Variants in KCNIP1 observed in about 807,000 individuals in gnomAD.
KCNIP1 encodes the protein A-type potassium channel modulatory protein KCNIP1.
Under a neutral mutation model 33.0 loss-of-function variants are expected in KCNIP1, and 18 were observed. That is an observed-to-expected ratio of 0.55 (90% CI 0.38 to 0.81). The LOEUF is 0.81. Among genes scored for constraint, KCNIP1 ranks in the 30% least tolerant of loss-of-function variants. The pLI is 0.00. For missense variants in KCNIP1, 238 were observed against 271.6 expected, an observed-to-expected ratio of 0.88 and a Z score of 0.87; for synonymous variants, 93 against 98.3, an observed-to-expected ratio of 0.95 and a Z score of 0.32.
chr5:170,591,282 G>A (rs2113552155), intron 1 of KCNIP1, among the ~76,000 whole-genome samples: 1 of 152,292 alleles, frequency 6.6e-6, no homozygotes, highest in South Asian at 2.1e-4. Flanking sequence ...CTTCCTCCCA[G>A]TAGAGTTTGA....
chr5:170,679,842 G>A (rs1762270537), intron 1 of KCNIP1, among the ~76,000 whole-genome samples: 1 of 151,406 alleles, frequency 6.6e-6, no homozygotes, highest in Non-Finnish European at 1.5e-5. Flanking sequence ...TATAATTTAT[G>A]GAACCAGTTT....
chr5:170,570,525 T>G (rs1757368238), intron 1 of KCNIP1, among the ~76,000 whole-genome samples: 1 of 152,196 alleles, frequency 6.6e-6, no homozygotes, highest in Admixed American at 6.5e-5. Flanking sequence ...ATCTCCTGCC[T>G]TGCTCTCACC....
At chr5:170,646,576 T>C (rs562537224) in intron 1 of KCNIP1, among the ~76,000 whole-genome samples, 2 of 152,252 alleles carry the variant, frequency 1.3e-5, no homozygotes, top group East Asian at 3.9e-4. Flanking sequence ...AAACAAGGAA[T>C]AGAGGGGAAT....
At chr5:170,384,989 T>G (rs1764406367) in intron 1 of KCNIP1, among the ~76,000 whole-genome samples, 1 of 152,260 alleles carries the variant, frequency 6.6e-6, no homozygotes, top group Admixed American at 6.5e-5. Flanking sequence ...TGCAATTCTC[T>G]GATTCCTCCT....
intron 1 of KCNIP1, among the ~76,000 whole-genome samples, chr5:170,641,728 T>G (rs1015559514): frequency 6.6e-6 from 1 of 152,198 alleles, no homozygotes; most frequent in African/African-American, 2.4e-5. Context: ...TAGCTTGCAC[T>G]GGGCTGCCTG....
At chr5:170,566,585 A>G (rs1757212646) in intron 1 of KCNIP1, among the ~76,000 whole-genome samples, 1 of 152,240 alleles carries the variant, frequency 6.6e-6, no homozygotes, top group African/African-American at 2.4e-5. Context: ...GTCCCTCAGG[A>G]AACAGGTCTG....
At chr5:170,419,633 C>T (rs960069809) in intron 1 of KCNIP1, among the ~76,000 whole-genome samples, 43 of 152,308 alleles carry the variant, frequency 2.8e-4, no homozygotes, top group Admixed American at 1.5e-3. Flanking sequence ...TGTGCACTTA[C>T]GATGTACCAA....
chr5:170,735,984 C>A lies in KCNIP1; in HGVS notation c.*178C>A. On this transcript the variant is annotated 3_prime_UTR_variant, in exon 8 of 8. Transcript: ENST00000328939. ...GGAACCCAGCATCATGTGGCTCAGT[C>A]TCTGATTGCCAACTCTTCCTCTTTC... 1.7e-6 allele frequency: 1 copy of A among 578,474 alleles called. No individual in the cohort carries two copies. The highest frequency in any genetic ancestry group is 2.8e-5 in the East Asian group (1 of 35,892). The allele number at this position is 578,474 out of a possible 1,614,324, so 35.8% of individuals were successfully genotyped here.
intron 1 of KCNIP1, chr5:170,378,832 G>T: frequency 6.2e-7 from 1 of 1,614,240 alleles, no homozygotes; most frequent in Non-Finnish European, 8.5e-7. Context: ...CCGTAGAGGC[G>T]CTGGAATAGG....
At chr5:170,662,605 T>C (rs1284900690) in intron 1 of KCNIP1, among the ~76,000 whole-genome samples, 1 of 152,146 alleles carries the variant, frequency 6.6e-6, no homozygotes, top group Non-Finnish European at 1.5e-5. Flanking sequence ...CTCCCCAGGC[T>C]ACATCCAGGA....
chr5:170,406,363 C>T (rs768616898), intron 1 of KCNIP1, among the ~76,000 whole-genome samples: 5 of 152,228 alleles, frequency 3.3e-5, no homozygotes, highest in African/African-American at 4.8e-5. Context: ...TGGAGTTCAA[C>T]ACACTCAGCC....
intron 1 of KCNIP1, among the ~76,000 whole-genome samples, chr5:170,533,171 CA>C (rs948931389): frequency 2.0e-5 from 3 of 150,140 alleles, no homozygotes; most frequent in Admixed American, 1.3e-4. Context: ...CAGTCTGACT[CA>C]GGGAAAGGGT....
intron 1 of KCNIP1, among the ~76,000 whole-genome samples, chr5:170,599,713 A>G (rs1758619470): frequency 6.6e-6 from 1 of 151,848 alleles, no homozygotes; most frequent in African/African-American, 2.4e-5. Flanking sequence ...CTGGCAGAAG[A>G]GGAAGAAACC....
At position 170,366,389 on chromosome 5, in the gene KCNIP1, G is replaced by A. The variant is rs556794250; in HGVS notation, c.88+12425G>A. Among the ~76,000 whole-genome samples the A allele has an allele frequency of 2.4e-4, 37 of 152,348 alleles. 1 individual carries two copies. The South Asian group carries it at 7.0e-3, about 29-fold the overall frequency. On this transcript the variant is annotated intron_variant, in intron 1 of 7. Transcript: ENST00000377360. ...CAGAGCCCCCTGAGGACACCACCCT[G>A]GAAGGGAGAAGCTGGCTGGAACCAC... is the stretch of plus-strand genomic sequence containing the variant.
chr5:170,555,508 G>A (rs1756813678), intron 1 of KCNIP1, among the ~76,000 whole-genome samples: 2 of 152,182 alleles, frequency 1.3e-5, no homozygotes, highest in Admixed American at 1.3e-4. Context: ...CAGTTGCAGT[G>A]GCCTCAGAAT....
chr5:170,633,724 A>AGGAGGGGGCGAGGGGGCGGGGGGGCGG (rs1760162760), intron 1 of KCNIP1, among the ~76,000 whole-genome samples: 2 of 3,112 alleles, frequency 6.4e-4, no homozygotes, highest in African/African-American at 2.6e-3. Flanking sequence ...GGGGGGGCGG[A>AGGAGGGGGCGAGGGGGCGGGGGGGCGG]GGGGGGGACG....
In KCNIP1 at chr5:170,464,264, G is replaced by A. The variant is rs79028861; in HGVS notation, c.88+110300G>A. Among the ~76,000 whole-genome samples the A allele has an allele frequency of 9.1e-4, 139 of 152,220 alleles. 1 individual carries two copies. Among genetic ancestry groups the A allele is most frequent in the African/African-American group, 3.1e-3 (130 of 41,524 alleles). On this transcript the variant is annotated intron_variant, in intron 1 of 7. Transcript: ENST00000377360. ...TTGATTTATAGGTTCAAAGTGATTC[G>A]ATGCAATCTCTGTCAAAGTTTCATA...
At chr5:170,690,292 A>C (rs1199358377) in intron 1 of KCNIP1, among the ~76,000 whole-genome samples, 1 of 152,150 alleles carries the variant, frequency 6.6e-6, no homozygotes, top group Non-Finnish European at 1.5e-5. Flanking sequence ...CTTCTTGCTC[A>C]TTTCCAGTGG....
intron 1 of KCNIP1, among the ~76,000 whole-genome samples, chr5:170,557,299 C>T (rs1267643859): frequency 2.6e-5 from 4 of 152,202 alleles, no homozygotes; most frequent in African/African-American, 9.7e-5. Flanking sequence ...GGCATGGTGG[C>T]TATTTTCTGG....
Sources: allele counts gnomAD v4.1 joint callset (sites outside exome capture counted in the v4.1 genomes callset), GRCh38; gene constraint gnomAD v4.1.1; transcripts MANE v1.5; gene names NCBI Gene and HGNC (gene_info 2026-07-23, HGNC 2026-07-21).